Variants in CAMKMT observed in about 807,000 individuals in gnomAD.
The protein encoded by CAMKMT is CaM KMT.
A neutral mutation model predicts 48.0 loss-of-function variants in CAMKMT; 53 were observed. The observed-to-expected ratio is 1.10, with a 90% CI of 0.89 to 1.39. The LOEUF (loss-of-function observed/expected upper bound fraction) is 1.39. Among genes scored for constraint, CAMKMT ranks in the 40% most tolerant of loss-of-function variants. The probability of loss-of-function intolerance (pLI) is 0.00; values close to 1 mark genes in which losing one functional copy is unlikely to be tolerated. For synonymous variants in CAMKMT, 165 were observed against 152.3 expected, an observed-to-expected ratio of 1.08 and a Z score of -0.61; for missense variants, 428 against 402.7, an observed-to-expected ratio of 1.06 and a Z score of -0.54.
At chr2:44,730,259 C>A (rs1463264686) in intron 7 of CAMKMT, among the ~76,000 whole-genome samples, 1 of 152,188 alleles carries the variant, frequency 6.6e-6, no homozygotes, top group Non-Finnish European at 1.5e-5. Flanking sequence ...CTTCTTCATT[C>A]CCCATCCAGA....
At chr2:44,609,602 A>C (rs181878500) in intron 3 of CAMKMT, among the ~76,000 whole-genome samples, 2 of 152,314 alleles carry the variant, frequency 1.3e-5, no homozygotes, top group East Asian at 3.9e-4. Context: ...GTGACTCCTA[A>C]TGTGGCCATA....
At chr2:44,420,113 G>A (rs1205719938) in intron 3 of CAMKMT, among the ~76,000 whole-genome samples, 1 of 152,104 alleles carries the variant, frequency 6.6e-6, no homozygotes, top group African/African-American at 2.4e-5. Flanking sequence ...TATTAATTGT[G>A]TAAATGTAAT....
intron 7 of CAMKMT, among the ~76,000 whole-genome samples, chr2:44,720,780 A>T (rs1373456857): frequency 2.6e-5 from 4 of 152,106 alleles, no homozygotes; most frequent in Non-Finnish European, 4.4e-5. Flanking sequence ...TTTGTAATAT[A>T]TTTTCATATT....
chr2:44,692,142 G>A lies in CAMKMT; in HGVS notation c.377-12141G>A, dbSNP rs150938452. Reference sequence around the variant, plus strand: ...TGTTTTGATTTTGTGGGTTATCAATGAGGAATAATAATATCCCTGAAAGTA... The same window carrying A: ...TGTTTTGATTTTGTGGGTTATCAATAAGGAATAATAATATCCCTGAAAGTA... On this transcript the variant is annotated intron_variant, in intron 3 of 10. Transcript: ENST00000378494. 3.8e-4 allele frequency among the ~76,000 whole-genome samples: 58 copies of A among 152,162 alleles called. 1 individual carries two copies. The East Asian group carries it at 0.011, about 28-fold the overall frequency.
At chr2:44,426,010 C>T (rs551056697) in intron 3 of CAMKMT, among the ~76,000 whole-genome samples, 1 of 152,272 alleles carries the variant, frequency 6.6e-6, no homozygotes, top group African/African-American at 2.4e-5. Context: ...GGATTACAGG[C>T]GTGAGCCACT....
intron 3 of CAMKMT, among the ~76,000 whole-genome samples, chr2:44,438,386 C>T (rs756860399): frequency 6.6e-6 from 1 of 152,010 alleles, no homozygotes; most frequent in Non-Finnish European, 1.5e-5. Context: ...AGTTTATAAA[C>T]TTGTTTTGGT....
At chr2:44,574,397 C>G (rs1051540624) in intron 3 of CAMKMT, among the ~76,000 whole-genome samples, 1 of 152,114 alleles carries the variant, frequency 6.6e-6, no homozygotes, top group African/African-American at 2.4e-5. Context: ...ATATCTAGCC[C>G]TAGGCAGATT....
At chr2:44,695,558 T>C (rs1310072698) in intron 3 of CAMKMT, among the ~76,000 whole-genome samples, 2 of 152,208 alleles carry the variant, frequency 1.3e-5, no homozygotes, top group East Asian at 1.9e-4. Context: ...CAAAAGACCA[T>C]GCATTTCTAG....
At chr2:44,574,483 G>T (rs1408755722) in intron 3 of CAMKMT, among the ~76,000 whole-genome samples, 2 of 152,094 alleles carry the variant, frequency 1.3e-5, no homozygotes, top group Non-Finnish European at 2.9e-5. Flanking sequence ...GTCTGGATTG[G>T]TTGACTTAAA....
At chr2:44,399,791 T>G (rs1319621929) in intron 3 of CAMKMT, among the ~76,000 whole-genome samples, 1 of 152,146 alleles carries the variant, frequency 6.6e-6, no homozygotes, top group Non-Finnish European at 1.5e-5. Context: ...GTAGGTAGAC[T>G]GGAAGAAGAA....
intron 3 of CAMKMT, among the ~76,000 whole-genome samples, chr2:44,614,936 C>CTTTTGTTTTTTTTTTTTTTTTTTT (rs1671791859): frequency 2.0e-5 from 1 of 48,990 alleles, no homozygotes; most frequent in Admixed American, 3.5e-4. Flanking sequence ...GGTCTCCTTG[C>CTTTTGTTTTTTTTTTTTTTTTTTT]TTTTTTTTTT....
rs149979216 is a variant in CAMKMT, at chr2:44,715,010, A to T, written c.557-277A>T. On this transcript the variant is annotated intron_variant, in intron 6 of 10. Transcript: ENST00000378494. ...GGAGTTCGAGACCAGCCTGGCCAACATGGTGAAGCCCATCTCTACTAAAGA... is the reference window on the plus strand; with the variant it reads ...GGAGTTCGAGACCAGCCTGGCCAACTTGGTGAAGCCCATCTCTACTAAAGA... 7.4e-3 allele frequency among the ~76,000 whole-genome samples: 1,128 copies of T among 152,190 alleles called. 17 individuals carry two copies. Among genetic ancestry groups the T allele is most frequent in the African/African-American group, 0.026 (1,065 of 41,522 alleles).
intron 2 of CAMKMT, among the ~76,000 whole-genome samples, chr2:44,381,278 TCA>T (rs1413563026): frequency 6.6e-6 from 1 of 152,200 alleles, no homozygotes; most frequent in African/African-American, 2.4e-5. Context: ...TTCTATTATC[TCA>T]GTTTGTTTTT....
chr2:44,470,448 C>G (rs545828356), intron 3 of CAMKMT, among the ~76,000 whole-genome samples: 1 of 152,134 alleles, frequency 6.6e-6, no homozygotes, highest in East Asian at 1.9e-4. Flanking sequence ...TCAAATTGGC[C>G]CTCCATGCTT....
intron 3 of CAMKMT, among the ~76,000 whole-genome samples, chr2:44,559,698 T>G (rs1668222315): frequency 6.6e-6 from 1 of 152,168 alleles, no homozygotes; most frequent in South Asian, 2.1e-4. Flanking sequence ...GGAGGATAAT[T>G]ATGGAGGAGG....
intron 3 of CAMKMT, among the ~76,000 whole-genome samples, chr2:44,552,288 C>G (rs562219303): frequency 1.3e-5 from 2 of 152,180 alleles, no homozygotes; most frequent in South Asian, 4.2e-4. Context: ...CTCATTATTA[C>G]TTTTGAGTCT....
intron 3 of CAMKMT, among the ~76,000 whole-genome samples, chr2:44,449,818 G>A (rs1667196949): frequency 6.6e-6 from 1 of 152,098 alleles, no homozygotes; most frequent in Non-Finnish European, 1.5e-5. Flanking sequence ...GTAAATCTTT[G>A]GGGAGGGGGT....
At chr2:44,389,411 T>C (rs114521451) in intron 2 of CAMKMT, among the ~76,000 whole-genome samples, 1 of 152,342 alleles carries the variant, frequency 6.6e-6, no homozygotes, top group African/African-American at 2.4e-5. Context: ...ATATCACTTA[T>C]GACAAGTTTT....
At chr2:44,449,227 A>C (rs950486089) in intron 3 of CAMKMT, among the ~76,000 whole-genome samples, 3 of 152,140 alleles carry the variant, frequency 2.0e-5, no homozygotes, top group Non-Finnish European at 4.4e-5. Flanking sequence ...CCCTTCATGT[A>C]GGGGGAAGAT....
Sources: allele counts gnomAD v4.1 joint callset (sites outside exome capture counted in the v4.1 genomes callset), GRCh38; gene constraint gnomAD v4.1.1; transcripts MANE v1.5; gene names NCBI Gene and HGNC (gene_info 2026-07-23, HGNC 2026-07-21).